JAKMIP3: variants seen among roughly 807,000 people sequenced by gnomAD.
JAKMIP3 encodes Janus kinase and microtubule interacting protein 3.
Under a neutral mutation model 118.5 loss-of-function variants are expected in JAKMIP3, and 58 were observed. The ratio of observed to expected loss-of-function variants is 0.49; its 90% CI spans 0.40 to 0.61. The LOEUF (loss-of-function observed/expected upper bound fraction) is 0.61, where lower values mean the gene tolerates loss of function less well. Among genes scored for constraint, JAKMIP3 ranks in the 20% least tolerant of loss-of-function variants. The pLI, the probability that JAKMIP3 is intolerant of heterozygous loss-of-function variation, is 0.00. For synonymous variants in JAKMIP3, 486 were observed against 451.2 expected (o/e 1.08, Z -0.98); for missense variants, 950 against 1,109.0 (o/e 0.86, Z 2.04).
At chr10:132,078,461 CT>C (rs1395149869) in intron 1 of JAKMIP3, among the ~76,000 whole-genome samples, 1 of 152,060 alleles carries the variant, frequency 6.6e-6, no homozygotes, top group Non-Finnish European at 1.5e-5. Flanking sequence ...AATGCTTTGA[CT>C]TTTTTCACCT....
chr10:132,104,875 G>A lies in JAKMIP3; in HGVS notation c.67G>A (p.Ala23Thr). 6.4e-7 allele frequency: 1 copy of A among 1,570,728 alleles called. No individual in the cohort carries two copies. The highest frequency in any genetic ancestry group is 8.6e-7 in the Non-Finnish European group (1 of 1,158,726). Residue 23 changes from alanine (A) to threonine (T), a missense_variant, in exon 2 of 24, where the codon GCG becomes ACG. Coordinates refer to ENST00000684848, the MANE Select transcript of JAKMIP3 (RefSeq NM_001323087.2). ...DKAEALAALQ[A>T]ANEDLRAKLT... ...GGCAGAGGCCCTCGCGGCGCTGCAG[G>A]CGGCCAACGAGGATCTTCGAGCCAA...
chr10:132,163,425 CG>C lies in JAKMIP3; in HGVS notation c.2424+18del. The stretch of plus-strand genomic sequence containing the variant: ...GCTGGCTCAGCAGGTGTGTGGCAGG[CG>C]GGGGCAGGGCTGGCGTGAAGACCTG... On this transcript the variant is annotated intron_variant, in intron 20 of 23. Transcript: ENST00000684848. 6.3e-7 allele frequency: 1 copy of C among 1,585,892 alleles called. No homozygotes were observed.
intron 2 of JAKMIP3, among the ~76,000 whole-genome samples, chr10:132,114,465 C>T (rs1163420627): frequency 1.3e-5 from 2 of 152,214 alleles, no homozygotes; most frequent in Admixed American, 6.5e-5. Flanking sequence ...AGCCATCCTC[C>T]TGCCTCTGCC....
chr10:132,136,937 A>G, intron 6 of JAKMIP3, 82 bp from the exon 7 acceptor site: 5 of 1,485,022 alleles, frequency 3.4e-6, no homozygotes, highest in Admixed American at 2.1e-5. Context: ...GGGTTGAGGG[A>G]GAAGACCCCC....
At position 132,087,756 on chromosome 10, in the gene JAKMIP3, G is replaced by A. The variant is rs574197207; in HGVS notation, c.-137-16916G>A. On this transcript the variant is annotated intron_variant, in intron 1 of 23. Coordinates refer to ENST00000684848, the MANE Select transcript of JAKMIP3 (RefSeq NM_001323087.2). ...AAGTTCTAGGGTTCATGTGCACAAC[G>A]TGCAGGTTAGTTACATATGTATACA... 2.6e-5 allele frequency among the ~76,000 whole-genome samples: 4 copies of A among 151,156 alleles called. No homozygotes were observed. In the South Asian group the frequency reaches 6.3e-4, roughly 24 times the overall value.
chr10:132,182,858 T>C lies in JAKMIP3; in HGVS notation c.*1605T>C, dbSNP rs1024893755. The C allele has an allele frequency of 6.6e-6, 1 of 152,200 alleles. No individual in the cohort carries two copies. Among genetic ancestry groups the C allele is most frequent in the African/African-American group, 2.4e-5 (1 of 41,448 alleles). The allele number at this position is 152,200 out of a possible 1,614,324, so 9.4% of individuals were successfully genotyped here. ...TAGGTTGAAATCAGGGAAAAGCTAA[T>C]AGTATCAGACAGATATGCTTTTTCT... On this transcript the variant is annotated 3_prime_UTR_variant, in exon 24 of 24. Coordinates refer to ENST00000684848, the MANE Select transcript of JAKMIP3 (RefSeq NM_001323087.2).
chr10:132,076,954 G>T (rs1589757861), intron 1 of JAKMIP3, among the ~76,000 whole-genome samples: 1 of 150,268 alleles, frequency 6.7e-6, no homozygotes, highest in African/African-American at 2.4e-5. Flanking sequence ...GCCTGCGGTG[G>T]CCCCGGGTCT....
chr10:132,146,562 G>A (rs2054648531), intron 13 of JAKMIP3, among the ~76,000 whole-genome samples: 1 of 152,198 alleles, frequency 6.6e-6, no homozygotes, highest in South Asian at 2.1e-4. Flanking sequence ...CCATGGGCAG[G>A]GACAGGTGTC....
intron 8 of JAKMIP3, among the ~76,000 whole-genome samples, chr10:132,137,577 C>T (rs2052080702): frequency 6.6e-6 from 1 of 152,210 alleles, no homozygotes; most frequent in African/African-American, 2.4e-5. Flanking sequence ...CAGACGGCTG[C>T]CCTTCTCCGG....
intron 23 of JAKMIP3, among the ~76,000 whole-genome samples, chr10:132,180,967 TTG>T (rs2061376262): frequency 6.6e-6 from 1 of 151,256 alleles, no homozygotes; most frequent in African/African-American, 2.4e-5. Context: ...TTTGTGCGTA[TTG>T]TGTGGGCATG....
chr10:132,103,580 A>C (rs1314697835), intron 1 of JAKMIP3, among the ~76,000 whole-genome samples: 1 of 151,962 alleles, frequency 6.6e-6, no homozygotes, highest in Non-Finnish European at 1.5e-5. Context: ...AAGTGTGAGG[A>C]TCTCACCAGC....
intron 23 of JAKMIP3, among the ~76,000 whole-genome samples, chr10:132,180,930 G>T (rs552740364): frequency 1.1e-3 from 166 of 152,158 alleles, no homozygotes; most frequent in Non-Finnish European, 1.9e-3. Context: ...TGTGTATTTT[G>T]CATTGTGTGT....
intron 14 of JAKMIP3, among the ~76,000 whole-genome samples, chr10:132,148,456 C>T (rs931344224): frequency 1.3e-5 from 2 of 151,624 alleles, no homozygotes; most frequent in Non-Finnish European, 2.9e-5. Context: ...CCTCCATCTG[C>T]CCGTCCTCCA....
chr10:132,046,183 G>A (rs575633572), intron 1 of JAKMIP3, among the ~76,000 whole-genome samples: 1 of 151,788 alleles, frequency 6.6e-6, no homozygotes, highest in African/African-American at 2.4e-5. Context: ...GGCCAGGTGT[G>A]GTGGCTCATG....
At chr10:132,174,281 T>A (rs2059939617) in intron 23 of JAKMIP3, among the ~76,000 whole-genome samples, 1 of 152,152 alleles carries the variant, frequency 6.6e-6, no homozygotes, top group Non-Finnish European at 1.5e-5. Flanking sequence ...TTTTGCCTCT[T>A]CCACATCAGG....
intron 1 of JAKMIP3, among the ~76,000 whole-genome samples, chr10:132,068,502 A>G (rs1160178159): frequency 6.6e-6 from 1 of 150,882 alleles, no homozygotes; most frequent in Non-Finnish European, 1.5e-5. Context: ...TTTCTTATCC[A>G]TGAACCTCTT....
At chr10:132,065,418 T>C (rs1344124401), upstream of JAKMIP3, among the ~76,000 whole-genome samples, 2 of 132,544 alleles carry the variant, frequency 1.5e-5, no homozygotes, top group Admixed American at 1.6e-4. The surrounding 1 kb of genome is among the most constrained non-coding windows in gnomAD (Gnocchi z 5.6). Context: ...TTAAAATAGA[T>C]ACCCTCAGAG....
rs149002950 is a variant in JAKMIP3, at chr10:132,142,024, G to T, written c.1578G>T (p.Thr526=). Residue 526 remains threonine, a synonymous_variant, in exon 11 of 24, where the codon ACG becomes ACT. Coordinates refer to ENST00000684848, the MANE Select transcript of JAKMIP3 (RefSeq NM_001323087.2). The part of the protein sequence containing the change: ...YALLQEQVGG[T]LDAEREVKTR... The stretch of plus-strand genomic sequence containing the variant: ...TGTTGCAGGAGCAGGTTGGAGGGAC[G>T]CTGGACGCAGAGCGAGAAGTTAAGG... 6.2e-7 allele frequency: 1 copy of T among 1,608,512 alleles called. No homozygotes were observed. Among genetic ancestry groups the T allele is most frequent in the South Asian group, 1.1e-5 (1 of 90,042 alleles).
Position 132,183,196 on chromosome 10 carries a change from C to T in JAKMIP3, c.*1943C>T, listed in dbSNP as rs1227936079. 2 of 152,196 alleles carry T rather than the reference C, an allele frequency of 1.3e-5. No homozygotes were observed. The highest frequency in any genetic ancestry group is 2.9e-5 in the Non-Finnish European group (2 of 68,040). The allele number at this position is 152,196 out of a possible 1,614,324, so 9.4% of individuals were successfully genotyped here. On this transcript the variant is annotated 3_prime_UTR_variant, in exon 24 of 24. Transcript: ENST00000684848. ...AGCTACCGTGGCGCTGTGGGTGAACCGCTGGGTTGAAGTCCGATGGACTCT... is the reference window on the plus strand; with the variant it reads ...AGCTACCGTGGCGCTGTGGGTGAACTGCTGGGTTGAAGTCCGATGGACTCT...
Sources: allele counts gnomAD v4.1 joint callset (sites outside exome capture counted in the v4.1 genomes callset), GRCh38; gene constraint gnomAD v4.1.1; non-coding constraint Gnocchi (gnomAD v3.1); transcripts MANE v1.5; gene names NCBI Gene and HGNC (gene_info 2026-07-23, HGNC 2026-07-21).